ABHD2: variants seen among roughly 807,000 people sequenced by gnomAD.
The protein encoded by ABHD2 is monoacylglycerol lipase ABHD2.
In ABHD2, 20 loss-of-function variants were observed where a neutral mutation model predicts 48.1. The ratio of observed to expected loss-of-function variants is 0.42; its 90% CI spans 0.29 to 0.60. The LOEUF (loss-of-function observed/expected upper bound fraction) is 0.60. Among genes scored for constraint, ABHD2 ranks in the 20% least tolerant of loss-of-function variants. The probability of loss-of-function intolerance (pLI) is 0.24; values close to 1 mark genes in which losing one functional copy is unlikely to be tolerated. For missense variants in ABHD2, 405 were observed against 550.9 expected, an observed-to-expected ratio of 0.74 and a Z score of 2.65; for synonymous variants, 209 against 214.2, an observed-to-expected ratio of 0.98 and a Z score of 0.21.
intron 3 of ABHD2, among the ~76,000 whole-genome samples, chr15:89,118,660 A>G (rs972198157): frequency 6.6e-6 from 1 of 152,144 alleles, no homozygotes; most frequent in Admixed American, 6.5e-5. Flanking sequence ...GCAAATTTCC[A>G]CCCAGCATTG....
chr15:89,180,282 T>A (rs1466431442), intron 6 of ABHD2, among the ~76,000 whole-genome samples: 1 of 152,146 alleles, frequency 6.6e-6, no homozygotes. Flanking sequence ...TTTGTTGTTG[T>A]TAATTTTTTT....
intron 3 of ABHD2, among the ~76,000 whole-genome samples, chr15:89,140,437 T>G (rs1429493592): frequency 2.0e-5 from 3 of 152,234 alleles, no homozygotes; most frequent in Non-Finnish European, 4.4e-5. Flanking sequence ...TTTAGGCAGG[T>G]GATAAATTAA....
intron 2 of ABHD2, among the ~76,000 whole-genome samples, chr15:89,115,499 A>G (rs79677074): frequency 0.043 from 6,503 of 151,740 alleles, 470 homozygotes; most frequent in African/African-American, 0.15. Flanking sequence ...CCAGATGAGC[A>G]TATACATTTT....
the ABHD2 span, among the ~76,000 whole-genome samples, chr15:89,044,116 A>T: frequency 6.6e-6 from 1 of 151,828 alleles, no homozygotes; most frequent in African/African-American, 2.4e-5. Flanking sequence ...ATGTGTTCTC[A>T]TTGTTCAATT....
the ABHD2 span, among the ~76,000 whole-genome samples, chr15:89,047,130 A>C: frequency 6.6e-6 from 1 of 151,572 alleles, no homozygotes; most frequent in Non-Finnish European, 1.5e-5. Context: ...GAACATCTTT[A>C]TTTCTGCCTT....
At chr15:89,140,383 C>T (rs2050382652) in intron 3 of ABHD2, among the ~76,000 whole-genome samples, 1 of 152,158 alleles carries the variant, frequency 6.6e-6, no homozygotes, top group South Asian at 2.1e-4. Flanking sequence ...AGCAAAAACA[C>T]TTCTCTGTGC....
rs2050592289 is a variant in ABHD2, at chr15:89,151,616, AT to A, written c.195-56del. On this transcript the variant is annotated intron_variant, in intron 3 of 10. Transcript: ENST00000352732. The surrounding 1 kb of genome is among the most constrained non-coding windows in gnomAD (Gnocchi z 4.7). ...TAGGTTGAAAGAGTTTTGCTAAAAG[AT>A]TTTTCAGAACGTTGCTCAAGGAATG... The A allele has an allele frequency of 6.5e-7, 1 of 1,540,448 alleles. No homozygotes were observed. The highest frequency in any genetic ancestry group is 1.2e-5 in the South Asian group (1 of 80,694).
intron 1 of ABHD2, among the ~76,000 whole-genome samples, chr15:89,103,322 C>T (rs116867478): frequency 0.011 from 1,671 of 152,176 alleles, 6 homozygotes; most frequent in Non-Finnish European, 0.015. Context: ...TGAGGATATC[C>T]GTGCATATTT....
the ABHD2 span, chr15:89,069,990 G>A: frequency 0.21 from 31,691 of 151,940 alleles, 4,177 homozygotes; most frequent in African/African-American, 0.36. Flanking sequence ...ATTTACTCTT[G>A]TATCATGAAG....
chr15:89,052,520 G>GAGAC, the ABHD2 span, among the ~76,000 whole-genome samples: 33 of 142,436 alleles, frequency 2.3e-4, no homozygotes, highest in East Asian at 2.9e-3. Context: ...TTTGGACCCA[G>GAGAC]AGACAGACAG....
the ABHD2 span, among the ~76,000 whole-genome samples, chr15:89,076,356 C>T: frequency 6.6e-6 from 1 of 152,208 alleles, no homozygotes; most frequent in Non-Finnish European, 1.5e-5. Flanking sequence ...GACATTCTTT[C>T]ATCCATCAGT....
intron 5 of ABHD2, among the ~76,000 whole-genome samples, chr15:89,157,881 G>C (rs1408698983): frequency 1.3e-5 from 2 of 151,928 alleles, no homozygotes; most frequent in Non-Finnish European, 2.9e-5. Context: ...TGAATGTCCA[G>C]ATTTACAGAT....
At chr15:89,087,275 G>T (rs1361940651), upstream of ABHD2, 3 of 152,206 alleles carry the variant, frequency 2.0e-5, no homozygotes, top group Non-Finnish European at 4.4e-5. This position sits in a 1 kb window ranked among gnomAD's most constrained non-coding sequence, Gnocchi z 5.5. Flanking sequence ...AAATATGTTG[G>T]GAAAAATTTA....
chr15:89,119,974 G>A lies in ABHD2; in HGVS notation c.194+3453G>A, dbSNP rs992356770. ...CCTAGGCTGGAAAGTTCTGTTAACTGATTTACAACAAGCTGTGAATATTAG... is the reference window on the plus strand; with the variant it reads ...CCTAGGCTGGAAAGTTCTGTTAACTAATTTACAACAAGCTGTGAATATTAG... On this transcript the variant is annotated intron_variant, in intron 3 of 10. Transcript: ENST00000352732. Among the ~76,000 whole-genome samples, 7 of 152,296 alleles carry A rather than the reference G, an allele frequency of 4.6e-5. No individual in the cohort carries two copies. The East Asian group carries it at 1.4e-3, about 29-fold the overall frequency.
chr15:89,049,499 C>G, the ABHD2 span, among the ~76,000 whole-genome samples: 1 of 152,366 alleles, frequency 6.6e-6, no homozygotes, highest in East Asian at 1.9e-4. Flanking sequence ...TCGCTGCCGC[C>G]TTGCAGTTTG....
In ABHD2 at chr15:89,114,208, A is replaced by G. The variant is rs1223053886; in HGVS notation, c.-7+384A>G. 2.0e-5 allele frequency among the ~76,000 whole-genome samples: 3 copies of G among 152,190 alleles called. No homozygotes were observed. Among genetic ancestry groups the G allele is most frequent in the Non-Finnish European group, 4.4e-5 (3 of 68,030 alleles). On this transcript the variant is annotated intron_variant, in intron 2 of 10. Coordinates refer to ENST00000352732, the MANE Select transcript of ABHD2 (RefSeq NM_152924.5). The surrounding 1 kb of genome is among the most constrained non-coding windows in gnomAD (Gnocchi z 4.2). Reference sequence around the variant, plus strand: ...GGAATGGCAGCCACAGGTTAAACCTATTGGGCATCTTAGTGCAGTGCTATG... The same window carrying G: ...GGAATGGCAGCCACAGGTTAAACCTGTTGGGCATCTTAGTGCAGTGCTATG...
intron 1 of ABHD2, among the ~76,000 whole-genome samples, chr15:89,105,476 T>G (rs1020646853): frequency 6.6e-6 from 1 of 152,240 alleles, no homozygotes; most frequent in Admixed American, 6.5e-5. Flanking sequence ...TATGGCTAAA[T>G]AAAACTGTTA....
intron 6 of ABHD2, among the ~76,000 whole-genome samples, chr15:89,181,586 T>C (rs1036249016): frequency 4.6e-5 from 7 of 152,208 alleles, no homozygotes; most frequent in African/African-American, 1.7e-4. Context: ...TCATTCTCCA[T>C]ATTTTTTCAA....
At chr15:89,065,744 C>T in the ABHD2 span, among the ~76,000 whole-genome samples, 5 of 152,162 alleles carry the variant, frequency 3.3e-5, no homozygotes, top group Non-Finnish European at 5.9e-5. Flanking sequence ...TATCTTCAAG[C>T]ATGTGCTAAC....
Sources: gnomAD v4.1 joint callset for allele counts (sites outside exome capture counted in the v4.1 genomes callset) on GRCh38, gnomAD v4.1.1 for gene constraint, Gnocchi (gnomAD v3.1) non-coding constraint, MANE v1.5 for transcripts, NCBI Gene and HGNC (gene_info 2026-07-23, HGNC 2026-07-21) for gene names.